The following ECE1 variants were observed in gnomAD, a reference collection of about 807,000 sequenced individuals.
The protein encoded by ECE1 is endothelin-converting enzyme 1.
Under a neutral mutation model 98.6 loss-of-function variants are expected in ECE1, and 35 were observed. The observed-to-expected ratio is 0.35, with a 90% CI of 0.27 to 0.47. The LOEUF is 0.47. Ranked by LOEUF, ECE1 falls within the 20% of genes least tolerant of loss-of-function variation. The pLI, the probability that ECE1 is intolerant of heterozygous loss-of-function variation, is 1.00. For missense variants in ECE1, 814 were observed against 1,025.3 expected (o/e 0.79, Z 2.81); for synonymous variants, 394 against 407.1 (o/e 0.97, Z 0.39).
At chr1:21,294,734 G>A (rs1638304771), upstream of ECE1, among the ~76,000 whole-genome samples, 1 of 152,210 alleles carries the variant, frequency 6.6e-6, no homozygotes, top group African/African-American at 2.4e-5. This position sits in a 1 kb window ranked among gnomAD's most constrained non-coding sequence, Gnocchi z 4.2. Flanking sequence ...TGGCTCTTGC[G>A]TTTGGTTGGC....
chr1:21,332,982 C>T (rs1291954943), intron 1 of ECE1, among the ~76,000 whole-genome samples: 1 of 152,122 alleles, frequency 6.6e-6, no homozygotes, highest in African/African-American at 2.4e-5. Flanking sequence ...ACCATGCATG[C>T]TCTGAGTGCT....
At chr1:21,229,204 G>A (rs1470278036) in intron 14 of ECE1, among the ~76,000 whole-genome samples, 4 of 150,214 alleles carry the variant, frequency 2.7e-5, no homozygotes, top group South Asian at 2.1e-4. Context: ...CTTTTTAAGC[G>A]ACAAGATCTT....
At chr1:21,311,498 C>A (rs534780381) in intron 1 of ECE1, among the ~76,000 whole-genome samples, 1 of 105,176 alleles carries the variant, frequency 9.5e-6, no homozygotes. Context: ...CATAGTGAGA[C>A]CCTGTCTCCA....
Position 21,219,877 on chromosome 1 carries a change from GC to G in ECE1, c.*77del. The stretch of plus-strand genomic sequence containing the variant: ...GGCCCCGGGTGGCCAAGCGGGCTGA[GC>G]AATGCCCTGGAGGCTGGATGGGGGT... On this transcript the variant is annotated 3_prime_UTR_variant, in exon 19 of 19. Coordinates refer to ENST00000374893, the MANE Select transcript of ECE1 (RefSeq NM_001397.3). The surrounding 1 kb of genome is among the most constrained non-coding windows in gnomAD (Gnocchi z 4.5). 1 of 1,588,540 alleles carries G rather than the reference GC, an allele frequency of 6.3e-7. No individual in the cohort carries two copies. The highest frequency in any genetic ancestry group is 2.3e-5 in the East Asian group (1 of 44,368).
chr1:21,326,807 G>C (rs1277792965), intron 1 of ECE1, among the ~76,000 whole-genome samples: 1 of 152,152 alleles, frequency 6.6e-6, no homozygotes, highest in Non-Finnish European at 1.5e-5. Context: ...TGGGGAAGCA[G>C]CTCCCCGCTG....
chr1:21,312,762 G>C (rs1041017577), intron 1 of ECE1, among the ~76,000 whole-genome samples: 8 of 152,042 alleles, frequency 5.3e-5, no homozygotes, highest in Non-Finnish European at 1.0e-4. Flanking sequence ...TCAAATCCCA[G>C]CTCTGCCTAC....
Position 21,242,769 on chromosome 1 carries a change from T to TTAAAA in ECE1, c.1278+2219_1278+2220insTTTTA, listed in dbSNP as rs1355779723. 2.6e-5 allele frequency among the ~76,000 whole-genome samples: 4 copies of TTAAAA among 152,300 alleles called. No homozygotes were observed. The East Asian group carries it at 7.7e-4, about 29-fold the overall frequency. On this transcript the variant is annotated intron_variant, in intron 10 of 18. Coordinates refer to ENST00000374893, the MANE Select transcript of ECE1 (RefSeq NM_001397.3). ...GGCCCAGGGAAGCTCACTCCATTAC[T>TTAAAA]GACTAATTAATTAATTTTTTAAAAA...
chr1:21,308,046 C>T (rs776224635), intron 1 of ECE1, among the ~76,000 whole-genome samples: 18 of 152,168 alleles, frequency 1.2e-4, no homozygotes, highest in Admixed American at 5.2e-4. Flanking sequence ...GAACCATGAA[C>T]GAGCTTGCTC....
rs1309044147 is a variant in ECE1, at chr1:21,220,120, G to A, written c.2148C>T (p.Ser716=). The A allele has an allele frequency of 8.1e-6, 13 of 1,612,070 alleles. No individual in the cohort carries two copies. Among genetic ancestry groups the A allele is most frequent in the Non-Finnish European group, 1.1e-5 (13 of 1,178,594 alleles). The change falls in exon 19 of 19, where the codon TCC becomes TCT. Residue 716 remains serine, a synonymous_variant. Transcript: ENST00000374893. This position sits in a 1 kb window ranked among gnomAD's most constrained non-coding sequence, Gnocchi z 5.0. ...CGTGGGAGCTCTCAGGTGTGCGGAC[G>A]GAGCACCAGACCTTTGAAGGGGCAA... ...FFLGFAQVWC[S]VRTPESSHEG...
At chr1:21,304,877 C>A (rs1006866530) in intron 1 of ECE1, among the ~76,000 whole-genome samples, 5 of 152,110 alleles carry the variant, frequency 3.3e-5, no homozygotes, top group Non-Finnish European at 5.9e-5. Context: ...AAAACAGAAA[C>A]TGATTCCTTT....
chr1:21,282,081 G>A (rs1004489621), intron 2 of ECE1, among the ~76,000 whole-genome samples: 20 of 152,092 alleles, frequency 1.3e-4, no homozygotes, highest in Non-Finnish European at 2.4e-4. Context: ...GAGCCCAGGA[G>A]TTCAAGACCA....
chr1:21,296,173 G>C (rs1282082332), intron 1 of ECE1, among the ~76,000 whole-genome samples: 1 of 152,066 alleles, frequency 6.6e-6, no homozygotes, highest in Non-Finnish European at 1.5e-5. Flanking sequence ...CCAGGTGATG[G>C]AGGTTAATAT....
Position 21,272,918 on chromosome 1 carries a change from G to A in ECE1, c.281-7C>T. ...AGGCACACAGAGGGGGATCCTGGAAGGGTTAAGGACAAGAGGCCAGTGAAG... is the reference window on the plus strand; with the variant it reads ...AGGCACACAGAGGGGGATCCTGGAAAGGTTAAGGACAAGAGGCCAGTGAAG... On this transcript the variant is annotated splice_polypyrimidine_tract_variant and splice_region_variant and intron_variant, in intron 3 of 18. Transcript: ENST00000374893. 1 of 1,614,058 alleles carries A rather than the reference G, an allele frequency of 6.2e-7. No homozygotes were observed. Among genetic ancestry groups the A allele is most frequent in the Non-Finnish European group, 8.5e-7 (1 of 1,179,922 alleles).
intron 1 of ECE1, among the ~76,000 whole-genome samples, chr1:21,324,647 A>G (rs952203840): frequency 6.6e-6 from 1 of 152,146 alleles, no homozygotes; most frequent in Admixed American, 6.5e-5. Context: ...TTCTCCCCAG[A>G]GAGGGCTGGA....
At position 21,233,460 on chromosome 1, in the gene ECE1, C is replaced by A; in HGVS notation, c.1670+98G>T. The A allele has an allele frequency of 2.9e-6, 3 of 1,046,156 alleles. No individual in the cohort carries two copies. The highest frequency in any genetic ancestry group is 2.9e-6 in the Non-Finnish European group (2 of 687,326). 64.8% of individuals were successfully genotyped at this position (1,046,156 alleles called of 1,614,324 possible). On this transcript the variant is annotated intron_variant, in intron 14 of 18. Transcript: ENST00000374893. The surrounding 1 kb of genome is among the most constrained non-coding windows in gnomAD (Gnocchi z 4.0). ...TCAGACGGCTCTCGTGATAGCTGAT[C>A]GGGTGCACAGTGAGGGTGCAATGAA...
rs1339262739 is a variant in ECE1, at chr1:21,322,940, A to AT, written c.3+22435dup. On this transcript the variant is annotated intron_variant, in intron 1 of 18. Transcript: ENST00000415912. This position sits in a 1 kb window ranked among gnomAD's most constrained non-coding sequence, Gnocchi z 4.1. Reference sequence around the variant, plus strand: ...GTCCCAGGGCTCAGGGGTTGGGGTCATTTCCAAAAACAAGGCTGCTTACAC... The same window carrying AT: ...GTCCCAGGGCTCAGGGGTTGGGGTCATTTTCCAAAAACAAGGCTGCTTACAC... 6.6e-6 allele frequency among the ~76,000 whole-genome samples: 1 copy of AT among 152,118 alleles called. No individual in the cohort carries two copies. Among genetic ancestry groups the AT allele is most frequent in the East Asian group, 1.9e-4 (1 of 5,180 alleles).
At chr1:21,226,938 G>A (rs1006554302) in intron 16 of ECE1, among the ~76,000 whole-genome samples, 1 of 152,102 alleles carries the variant, frequency 6.6e-6, no homozygotes, top group African/African-American at 2.4e-5. Context: ...TGGCCAGGCT[G>A]ATCTCGAACT....
intron 8 of ECE1, among the ~76,000 whole-genome samples, chr1:21,249,837 G>C (rs1393138069): frequency 1.3e-5 from 2 of 151,882 alleles, no homozygotes; most frequent in Admixed American, 6.6e-5. Context: ...GCAGTGGTGC[G>C]ATCTCAGCTC....
intron 1 of ECE1, among the ~76,000 whole-genome samples, chr1:21,297,033 C>T (rs191943664): frequency 1.3e-5 from 2 of 152,316 alleles, no homozygotes; most frequent in East Asian, 3.9e-4. Context: ...AGGTTGCTAA[C>T]TGCCCCTTGG....
Sources: gnomAD v4.1 joint callset for allele counts (sites outside exome capture counted in the v4.1 genomes callset) on GRCh38, gnomAD v4.1.1 for gene constraint, Gnocchi (gnomAD v3.1) non-coding constraint, MANE v1.5 for transcripts, NCBI Gene and HGNC (gene_info 2026-07-23, HGNC 2026-07-21) for gene names.